Variants in RSRC1 observed in about 807,000 individuals in gnomAD.
RSRC1 encodes arginine and serine rich coiled-coil 1.
A neutral mutation model predicts 49.1 loss-of-function variants in RSRC1; 39 were observed. The observed-to-expected ratio is 0.79, with a 90% CI of 0.61 to 1.04. RSRC1 has a LOEUF of 1.04. RSRC1 is among the 50% of genes least tolerant of loss of function. The pLI, the probability that RSRC1 is intolerant of heterozygous loss-of-function variation, is 0.00. For missense variants in RSRC1, 388 were observed against 402.4 expected, an observed-to-expected ratio of 0.96 and a Z score of 0.31; for synonymous variants, 143 against 130.8, an observed-to-expected ratio of 1.09 and a Z score of -0.63.
intron 4 of RSRC1, among the ~76,000 whole-genome samples, chr3:158,203,682 A>C (rs560149808): frequency 6.6e-6 from 1 of 152,138 alleles, no homozygotes; most frequent in African/African-American, 2.4e-5. Flanking sequence ...AAACAGAAGG[A>C]GGGGACCATG....
At chr3:158,426,321 T>C (rs966116794) in intron 6 of RSRC1, among the ~76,000 whole-genome samples, 4 of 151,504 alleles carry the variant, frequency 2.6e-5, no homozygotes, top group Non-Finnish European at 5.9e-5. Flanking sequence ...TGACAAAATA[T>C]TAATATCTGG....
intron 3 of RSRC1, among the ~76,000 whole-genome samples, chr3:158,176,658 A>G (rs949578623): frequency 1.3e-5 from 2 of 152,232 alleles, no homozygotes; most frequent in Admixed American, 6.5e-5. Context: ...AGATGGATTA[A>G]AGACTTAAAT....
At chr3:158,513,002 A>C (rs1578562806) in intron 7 of RSRC1, among the ~76,000 whole-genome samples, 1 of 132,000 alleles carries the variant, frequency 7.6e-6, no homozygotes, top group Admixed American at 7.8e-5. Flanking sequence ...TTATCAGCTT[A>C]AGGAGATTTT....
intron 6 of RSRC1, among the ~76,000 whole-genome samples, chr3:158,388,733 C>T (rs964648362): frequency 7.9e-5 from 12 of 152,002 alleles, no homozygotes; most frequent in African/African-American, 2.9e-4. Flanking sequence ...CCGCAGCCTC[C>T]AGGGTAGCTT....
intron 7 of RSRC1, among the ~76,000 whole-genome samples, chr3:158,533,511 TC>T (rs1712532458): frequency 6.6e-6 from 1 of 151,732 alleles, no homozygotes; most frequent in Non-Finnish European, 1.5e-5. Context: ...TGGTTGTATG[TC>T]CAAATTTAAA....
At chr3:158,204,616 G>A (rs1355211887) in intron 4 of RSRC1, among the ~76,000 whole-genome samples, 1 of 152,144 alleles carries the variant, frequency 6.6e-6, no homozygotes, top group East Asian at 1.9e-4. Flanking sequence ...TGATAAATTC[G>A]AAGGGAGGAT....
intron 1 of RSRC1, among the ~76,000 whole-genome samples, chr3:158,116,546 CTG>C (rs1411401954): frequency 6.6e-6 from 1 of 151,406 alleles, no homozygotes; most frequent in African/African-American, 2.4e-5. Context: ...TTTTTTTAAA[CTG>C]TGACTGTATG....
chr3:158,193,814 G>A (rs1720379929), intron 3 of RSRC1, among the ~76,000 whole-genome samples: 1 of 152,078 alleles, frequency 6.6e-6, no homozygotes, highest in South Asian at 2.1e-4. Context: ...AGATGCTCAT[G>A]TCAAAATTAA....
intron 4 of RSRC1, among the ~76,000 whole-genome samples, chr3:158,253,764 ATATTTATT>A (rs1186446622): frequency 6.6e-6 from 1 of 151,910 alleles, no homozygotes; most frequent in Non-Finnish European, 1.5e-5. Context: ...ATATATTTAT[ATATTTATT>A]TATTTAATTA....
In RSRC1 at chr3:158,122,228, A is replaced by G; in HGVS notation, c.124A>G (p.Arg42Gly). 1 of 1,606,308 alleles carries G rather than the reference A, an allele frequency of 6.2e-7. No homozygotes were observed. Residue 42 changes from arginine to glycine, a missense_variant, in exon 2 of 10, where the codon AGG becomes GGG. Transcript: ENST00000611884. Reference sequence around the variant, plus strand: ...AACATACAGCCGAAAGAAAGGAGGAAGGAAATCAAGATCAAAGTCAAGATC... The same window carrying G: ...AACATACAGCCGAAAGAAAGGAGGAGGGAAATCAAGATCAAAGTCAAGATC... ...SRTYSRKKGG[R>G]KSRSKSRSWS...
At chr3:158,490,514 A>G (rs953187232) in intron 7 of RSRC1, among the ~76,000 whole-genome samples, 1 of 152,248 alleles carries the variant, frequency 6.6e-6, no homozygotes, top group Non-Finnish European at 1.5e-5. Flanking sequence ...GTAGTGATGT[A>G]AAGTATCATT....
At chr3:158,191,398 AGTATTGT>A (rs1720232860) in intron 3 of RSRC1, among the ~76,000 whole-genome samples, 1 of 152,090 alleles carries the variant, frequency 6.6e-6, no homozygotes, top group African/African-American at 2.4e-5. Flanking sequence ...GACTACTTGA[AGTATTGT>A]AGTTTTCTTT....
intron 5 of RSRC1, among the ~76,000 whole-genome samples, chr3:158,344,061 G>C (rs1454751593): frequency 6.6e-6 from 1 of 152,016 alleles, no homozygotes; most frequent in Non-Finnish European, 1.5e-5. Context: ...TAGATCACTT[G>C]AGGTCAGGCC....
intron 7 of RSRC1, among the ~76,000 whole-genome samples, chr3:158,474,093 A>G (rs151225437): frequency 5.9e-5 from 9 of 152,270 alleles, no homozygotes; most frequent in Non-Finnish European, 1.0e-4. Context: ...CTATTTTTCA[A>G]CACAAATCAC....
intron 6 of RSRC1, among the ~76,000 whole-genome samples, chr3:158,367,328 G>T (rs1293552559): frequency 6.6e-6 from 1 of 152,090 alleles, no homozygotes; most frequent in Non-Finnish European, 1.5e-5. Flanking sequence ...CTAGTTTATT[G>T]AGAGTTTTTT....
chr3:158,219,866 A>C (rs1722136964), intron 4 of RSRC1, among the ~76,000 whole-genome samples: 1 of 151,632 alleles, frequency 6.6e-6, no homozygotes. Flanking sequence ...GACACTAAGG[A>C]TAGAATTTGG....
intron 5 of RSRC1, among the ~76,000 whole-genome samples, chr3:158,337,603 C>T (rs1729990472): frequency 6.6e-6 from 1 of 152,080 alleles, no homozygotes; most frequent in African/African-American, 2.4e-5. Context: ...TATTAGTTTC[C>T]CTTTCTTCCC....
At chr3:158,379,819 C>CACACACACACAT (rs1415974902) in intron 6 of RSRC1, among the ~76,000 whole-genome samples, 2 of 151,310 alleles carry the variant, frequency 1.3e-5, no homozygotes, top group Admixed American at 6.6e-5. Context: ...CGCATGCACA[C>CACACACACACAT]ACACACACAC....
chr3:158,517,755 A>ATTTTTTTTTTTTTT lies in RSRC1; in HGVS notation c.653-19312_653-19299dup, dbSNP rs766129663. On this transcript the variant is annotated intron_variant, in intron 7 of 9. Coordinates refer to ENST00000611884, the MANE Select transcript of RSRC1 (RefSeq NM_001271838.2). Reference sequence around the variant, plus strand: ...AGGTGTATACCACAACACCCAGCTAATTTTTTTTTTTTTTTTTTTTTTTTT... The same window carrying ATTTTTTTTTTTTTT: ...AGGTGTATACCACAACACCCAGCTAATTTTTTTTTTTTTTTTTTTTTTTTTTTTTTTTTTTTTTT... 5.4e-4 allele frequency among the ~76,000 whole-genome samples: 19 copies of ATTTTTTTTTTTTTT among 35,178 alleles called. 2 individuals are homozygous for ATTTTTTTTTTTTTT. The highest frequency in any genetic ancestry group is 7.9e-4 in the Non-Finnish European group (13 of 16,434). 23.1% of individuals were successfully genotyped at this position (35,178 alleles called of 152,430 possible).
Sources: gnomAD v4.1 joint callset for allele counts (sites outside exome capture counted in the v4.1 genomes callset) on GRCh38, gnomAD v4.1.1 for gene constraint, MANE v1.5 for transcripts, NCBI Gene and HGNC (gene_info 2026-07-23, HGNC 2026-07-21) for gene names.